The following TMEM268 variants were observed in gnomAD, a reference collection of about 807,000 sequenced individuals.
TMEM268 encodes transmembrane protein C9orf91.
A neutral mutation model predicts 39.1 loss-of-function variants in TMEM268; 24 were observed. The ratio of observed to expected loss-of-function variants is 0.61; its 90% confidence interval spans 0.44 to 0.86. The LOEUF is 0.86. TMEM268 is among the 40% of genes least tolerant of loss of function. The pLI is 0.00. For missense variants in TMEM268, 409 were observed against 428.6 expected (o/e 0.95, Z 0.40); for synonymous variants, 176 against 173.5 (o/e 1.01, Z -0.12).
chr9:114,609,287 G>A (rs1464251341), upstream of TMEM268, among the ~76,000 whole-genome samples: 6 of 151,632 alleles, frequency 4.0e-5, no homozygotes, highest in African/African-American at 1.5e-4. Context: ...CTCCAGCCTG[G>A]GTGACAGAGC....
At chr9:114,605,771 G>GA in the TMEM268 span, among the ~76,000 whole-genome samples, 50 of 151,830 alleles carry the variant, frequency 3.3e-4, no homozygotes, top group African/African-American at 1.1e-3. Context: ...AAATACAAAA[G>GA]AAAAAAATTA....
At chr9:114,606,458 C>T (rs146417758), upstream of TMEM268, among the ~76,000 whole-genome samples, 3 of 152,276 alleles carry the variant, frequency 2.0e-5, no homozygotes, top group Admixed American at 6.5e-5. Flanking sequence ...ATGTGACTTC[C>T]GGGAGCTGAA....
upstream of TMEM268, among the ~76,000 whole-genome samples, chr9:114,608,633 A>G (rs1481470846): frequency 6.6e-6 from 1 of 152,206 alleles, no homozygotes; most frequent in Non-Finnish European, 1.5e-5. Context: ...ATATCCTATC[A>G]TCAGTGAGTA....
chr9:114,627,522 G>A (rs1318603265), intron 4 of TMEM268, among the ~76,000 whole-genome samples: 1 of 152,164 alleles, frequency 6.6e-6, no homozygotes, highest in Non-Finnish European at 1.5e-5. Context: ...TTCAGCGTCT[G>A]TGCTTGGAAC....
At chr9:114,621,582 C>T (rs551084518) in intron 2 of TMEM268, among the ~76,000 whole-genome samples, 4 of 152,192 alleles carry the variant, frequency 2.6e-5, no homozygotes, top group East Asian at 1.9e-4. Context: ...AGGAGAAGAG[C>T]GTCAGTTATG....
chr9:114,631,035 C>T (rs1043100117), intron 5 of TMEM268, among the ~76,000 whole-genome samples: 15 of 152,068 alleles, frequency 9.9e-5, no homozygotes, highest in South Asian at 4.1e-4. Flanking sequence ...AGATTTGGGC[C>T]GGGCATGGTG....
the TMEM268 span, among the ~76,000 whole-genome samples, chr9:114,605,014 C>G: frequency 1.3e-5 from 2 of 152,188 alleles, no homozygotes. Flanking sequence ...GGACTGGGTA[C>G]TTGGCTTCCT....
chr9:114,614,795 A>G (rs1228153441), intron 1 of TMEM268, among the ~76,000 whole-genome samples: 1 of 151,858 alleles, frequency 6.6e-6, no homozygotes, highest in African/African-American at 2.4e-5. Context: ...CTGCTGGAGG[A>G]CACATAACAG....
chr9:114,628,375 A>T, intron 5 of TMEM268, 125 bp downstream of exon 5: 2 of 1,004,186 alleles, frequency 2.0e-6, no homozygotes, highest in Non-Finnish European at 3.0e-6. Context: ...ACTAGCCCGT[A>T]AGCCCAGTGA....
At chr9:114,622,542 G>C in intron 2 of TMEM268, 2 of 980,168 alleles carry the variant, frequency 2.0e-6, no homozygotes, top group Non-Finnish European at 2.4e-6. Context: ...CCCTGGTCTT[G>C]AGGGGATTTC....
upstream of TMEM268, among the ~76,000 whole-genome samples, chr9:114,609,171 C>T (rs936992332): frequency 1.3e-5 from 2 of 151,938 alleles, no homozygotes; most frequent in Admixed American, 6.6e-5. Context: ...ATTAGCCAGG[C>T]GTGGTGGCAC....
At chr9:114,612,400 C>T (rs1845536841) in intron 1 of TMEM268, among the ~76,000 whole-genome samples, 1 of 152,186 alleles carries the variant, frequency 6.6e-6, no homozygotes, top group Non-Finnish European at 1.5e-5. Context: ...TTGCAGGGGC[C>T]TCAAGGCTGT....
rs967201690 is a variant in TMEM268 at position 114,627,058 on chromosome 9, C to T, written c.324+52C>T. ...ACCCTGCCCTGACAGCTTATGGCAC[C>T]ACCAAATTCAGCACCGTGTCTTGGA... On this transcript the variant is annotated intron_variant, in intron 4 of 8. Coordinates refer to ENST00000288502, the MANE Select transcript of TMEM268 (RefSeq NM_153045.4). The T allele has an allele frequency of 6.1e-6, 8 of 1,309,442 alleles. No individual in the cohort carries two copies. The East Asian group carries it at 1.9e-4, about 31-fold the overall frequency. 81.1% of individuals were successfully genotyped at this position (1,309,442 alleles called of 1,614,324 possible).
At chr9:114,619,608 A>C (rs1056552585) in intron 2 of TMEM268, among the ~76,000 whole-genome samples, 1 of 152,168 alleles carries the variant, frequency 6.6e-6, no homozygotes, top group Non-Finnish European at 1.5e-5. Context: ...TGTGGACTGG[A>C]GAGCTGGTCT....
At chr9:114,606,990 C>T (rs542465287), upstream of TMEM268, among the ~76,000 whole-genome samples, 2 of 152,306 alleles carry the variant, frequency 1.3e-5, no homozygotes, top group South Asian at 2.1e-4. Context: ...TTCTGCCAGG[C>T]TGGAAAAAAG....
chr9:114,605,421 G>A, the TMEM268 span, among the ~76,000 whole-genome samples: 1 of 151,958 alleles, frequency 6.6e-6, no homozygotes, highest in African/African-American at 2.4e-5. Flanking sequence ...GAAAGATTTG[G>A]CCAGTGGTTC....
chr9:114,630,518 C>T (rs1407048502), intron 5 of TMEM268, among the ~76,000 whole-genome samples: 2 of 152,154 alleles, frequency 1.3e-5, no homozygotes, highest in East Asian at 1.9e-4. Context: ...CGTCTATGCC[C>T]AACAACAACC....
chr9:114,621,614 A>G (rs1371896054), intron 2 of TMEM268, among the ~76,000 whole-genome samples: 1 of 151,656 alleles, frequency 6.6e-6, no homozygotes, highest in East Asian at 1.9e-4. Flanking sequence ...AGAGGATTTG[A>G]TCAGTTAGGA....
chr9:114,622,089 T>C (rs1845968685), intron 2 of TMEM268: 2 of 985,222 alleles, frequency 2.0e-6, no homozygotes, highest in Non-Finnish European at 2.4e-6. Context: ...ACAGATGTTT[T>C]GTTTGCCTAG....
Sources: gnomAD v4.1 joint callset for allele counts (sites outside exome capture counted in the v4.1 genomes callset) on GRCh38, gnomAD v4.1.1 for gene constraint, MANE v1.5 for transcripts, NCBI Gene and HGNC (gene_info 2026-07-23, HGNC 2026-07-21) for gene names.